CTNNA2: variants seen among roughly 807,000 people sequenced by gnomAD.
CTNNA2 encodes the protein catenin alpha-2.
A neutral mutation model predicts 101.0 loss-of-function variants in CTNNA2; 42 were observed. The ratio of observed to expected loss-of-function variants is 0.42; its 90% CI spans 0.32 to 0.54. The LOEUF (loss-of-function observed/expected upper bound fraction) is 0.54. CTNNA2 is among the 20% of genes least tolerant of loss of function. CTNNA2 has a pLI of 0.14. For missense variants in CTNNA2, 871 were observed against 1,223.1 expected, an observed-to-expected ratio of 0.71 and a Z score of 4.29; for synonymous variants, 450 against 456.4, an observed-to-expected ratio of 0.99 and a Z score of 0.18.
intron 9 of CTNNA2, among the ~76,000 whole-genome samples, chr2:80,529,198 T>G (rs1690305577): frequency 6.6e-6 from 1 of 152,194 alleles, no homozygotes; most frequent in Admixed American, 6.5e-5. Flanking sequence ...GTAACTATTT[T>G]CAGATTTGTA....
At chr2:79,518,168 AT>A (rs1185421524) in intron 1 of CTNNA2, among the ~76,000 whole-genome samples, 6 of 152,230 alleles carry the variant, frequency 3.9e-5, no homozygotes, top group Non-Finnish European at 5.9e-5. Flanking sequence ...TAAAAAAGTA[AT>A]ATAAATCATA....
At chr2:80,333,520 A>G (rs1389273273) in intron 7 of CTNNA2, among the ~76,000 whole-genome samples, 1 of 152,238 alleles carries the variant, frequency 6.6e-6, no homozygotes, top group Non-Finnish European at 1.5e-5. Context: ...GATTTCAGGA[A>G]AACTGACATG....
intron 3 of CTNNA2, among the ~76,000 whole-genome samples, chr2:79,337,875 T>G (rs1677030521): frequency 6.6e-6 from 1 of 152,124 alleles, no homozygotes; most frequent in African/African-American, 2.4e-5. Flanking sequence ...ACATATTTTC[T>G]TCGTGGGGTT....
At chr2:79,388,375 C>T (rs528674394) in intron 4 of CTNNA2, among the ~76,000 whole-genome samples, 31 of 152,222 alleles carry the variant, frequency 2.0e-4, no homozygotes, top group African/African-American at 7.2e-4. Context: ...GATTCGCTGG[C>T]CAGAACTAGC....
chr2:80,426,498 C>G (rs1681006532), intron 9 of CTNNA2, among the ~76,000 whole-genome samples: 1 of 152,182 alleles, frequency 6.6e-6, no homozygotes, highest in Non-Finnish European at 1.5e-5. Flanking sequence ...ATTGTGCAGG[C>G]AACTGCAGTG....
chr2:79,860,546 G>GTTTTTTTTTTTT (rs56929879), intron 4 of CTNNA2, among the ~76,000 whole-genome samples: 1,569 of 107,050 alleles, frequency 0.015, 70 homozygotes, highest in Middle Eastern at 0.035. Flanking sequence ...AGTAAGGGAA[G>GTTTTTTTTTTTT]TTTTTTTTTT....
intron 7 of CTNNA2, among the ~76,000 whole-genome samples, chr2:80,093,104 A>C (rs1384394601): frequency 6.6e-6 from 1 of 151,988 alleles, no homozygotes; most frequent in Admixed American, 6.6e-5. Flanking sequence ...TGCCGCACCC[A>C]TTAACTCATC....
intron 4 of CTNNA2, among the ~76,000 whole-genome samples, chr2:79,409,499 G>C (rs1488347845): frequency 6.6e-6 from 1 of 151,872 alleles, no homozygotes; most frequent in Non-Finnish European, 1.5e-5. Context: ...AAGGGATCCA[G>C]TTTCACCTTT....
At chr2:80,274,965 G>A (rs957903751) in intron 7 of CTNNA2, among the ~76,000 whole-genome samples, 2 of 152,178 alleles carry the variant, frequency 1.3e-5, no homozygotes, top group African/African-American at 4.8e-5. Context: ...TAGAGCATTT[G>A]TGTATCTCCA....
At chr2:80,239,517 T>G (rs968564770) in intron 7 of CTNNA2, among the ~76,000 whole-genome samples, 2 of 152,016 alleles carry the variant, frequency 1.3e-5, no homozygotes, top group Non-Finnish European at 2.9e-5. Flanking sequence ...TAGTACACTG[T>G]TTTTTTTCTA....
At chr2:79,832,661 T>G (rs1679013097) in intron 3 of CTNNA2, among the ~76,000 whole-genome samples, 1 of 152,186 alleles carries the variant, frequency 6.6e-6, no homozygotes, top group Non-Finnish European at 1.5e-5. Context: ...CCCTTTGTCT[T>G]CATGTGCATC....
intron 7 of CTNNA2, among the ~76,000 whole-genome samples, chr2:80,192,615 C>T (rs1706580001): frequency 6.6e-6 from 1 of 152,134 alleles, no homozygotes; most frequent in African/African-American, 2.4e-5. Flanking sequence ...CAACCTCTGC[C>T]TCATGGGTTC....
chr2:79,348,738 A>G (rs1254462805), intron 3 of CTNNA2, among the ~76,000 whole-genome samples: 2 of 152,236 alleles, frequency 1.3e-5, no homozygotes, highest in Non-Finnish European at 2.9e-5. Flanking sequence ...GAATACTATG[A>G]AAATGATTTA....
At chr2:79,349,947 G>A (rs1476072564) in intron 3 of CTNNA2, among the ~76,000 whole-genome samples, 7 of 151,598 alleles carry the variant, frequency 4.6e-5, no homozygotes, top group Non-Finnish European at 8.8e-5. Context: ...GGTGGCGGGC[G>A]CCTGTAGTCC....
chr2:79,221,900 A>G (rs1444739910), intron 2 of CTNNA2, among the ~76,000 whole-genome samples: 1 of 152,172 alleles, frequency 6.6e-6, no homozygotes, highest in African/African-American at 2.4e-5. Context: ...GTCATGGAAG[A>G]TAACGGCTCT....
At chr2:79,482,876 A>G (rs1671123449) in intron 4 of CTNNA2, among the ~76,000 whole-genome samples, 1 of 152,180 alleles carries the variant, frequency 6.6e-6, no homozygotes, top group Non-Finnish European at 1.5e-5. Context: ...GGAGGAGTGC[A>G]TGGGCAATGC....
intron 11 of CTNNA2, among the ~76,000 whole-genome samples, chr2:80,548,645 G>T (rs981708639): frequency 4.6e-5 from 7 of 152,168 alleles, no homozygotes; most frequent in Admixed American, 4.6e-4. Context: ...CTGTCAGAGA[G>T]CCAGCTTGGC....
chr2:79,256,851 A>G (rs1674852595), intron 2 of CTNNA2, among the ~76,000 whole-genome samples: 1 of 152,246 alleles, frequency 6.6e-6, no homozygotes, highest in Non-Finnish European at 1.5e-5. Flanking sequence ...GAAAGTTTCA[A>G]GATTAAATGA....
intron 7 of CTNNA2, among the ~76,000 whole-genome samples, chr2:80,229,684 A>G (rs1020309): frequency 0.99 from 151,316 of 152,244 alleles, 75,205 homozygotes; most frequent in Middle Eastern, 1. Flanking sequence ...TGGTGATGGG[A>G]CAGGGGATTG....
Sources: gnomAD v4.1 joint callset for allele counts (sites outside exome capture counted in the v4.1 genomes callset) on GRCh38, gnomAD v4.1.1 for gene constraint, MANE v1.5 for transcripts, NCBI Gene and HGNC (gene_info 2026-07-23, HGNC 2026-07-21) for gene names.